Variants in CNTN3 observed in about 807,000 individuals in gnomAD.
The protein encoded by CNTN3 is contactin 3, also known as contactin-3.
Under a neutral mutation model 119.1 loss-of-function variants are expected in CNTN3, and 60 were observed. That is an observed-to-expected ratio of 0.50 (90% CI 0.41 to 0.62). The LOEUF is 0.62. Ranked by LOEUF, CNTN3 falls within the 20% of genes least tolerant of loss-of-function variation. The pLI is 0.00. For synonymous variants in CNTN3, 450 were observed against 438.7 expected (o/e 1.03, Z -0.32); for missense variants, 1,101 against 1,242.4 (o/e 0.89, Z 1.71).
rs114159293 is a variant in CNTN3, at chr3:74,444,714, C to T, written c.359-19774G>A. ...TTAATGAAGGTTTGGTCTACTCCTA[C>T]GAAAATCATTTTAATTGAGGCATTT... On this transcript the variant is annotated intron_variant, in intron 4 of 22. Coordinates refer to ENST00000263665, the MANE Select transcript of CNTN3 (RefSeq NM_020872.3). 8.6e-3 allele frequency among the ~76,000 whole-genome samples: 1,312 copies of T among 152,146 alleles called. 14 individuals are homozygous for T. Among genetic ancestry groups the T allele is most frequent in the African/African-American group, 0.03 (1,241 of 41,512 alleles).
intron 1 of CNTN3, among the ~76,000 whole-genome samples, chr3:74,603,225 G>A (rs1004578050): frequency 6.6e-6 from 1 of 152,180 alleles, no homozygotes. Context: ...ACTACTCAGA[G>A]GAAGCACAAC....
intron 5 of CNTN3, among the ~76,000 whole-genome samples, chr3:74,412,828 A>G (rs984843364): frequency 1.1e-4 from 17 of 152,192 alleles, no homozygotes; most frequent in African/African-American, 3.4e-4. Flanking sequence ...GTTTACCACA[A>G]TCCCTTCTAT....
rs566687895 is a variant in CNTN3 at position 74,331,235 on chromosome 3, G to A, written c.1668+3500C>T. On this transcript the variant is annotated intron_variant, in intron 13 of 22. Coordinates refer to ENST00000263665, the MANE Select transcript of CNTN3 (RefSeq NM_020872.3). ...CACCTTTTTGAAAATCCTTTATGCC[G>A]TATTTTTACTGTACCATTTCAATGT... Among the ~76,000 whole-genome samples, 10 of 152,202 alleles carry A rather than the reference G, an allele frequency of 6.6e-5. No individual in the cohort carries two copies. In the South Asian group the frequency reaches 1.9e-3, roughly 28 times the overall value.
At chr3:74,336,419 G>T in intron 12 of CNTN3, 112 bp downstream of exon 12, 1 of 1,138,118 alleles carries the variant, frequency 8.8e-7, no homozygotes, top group Non-Finnish European at 1.3e-6. Flanking sequence ...TGCAAATACA[G>T]GTTCTACCTT....
chr3:74,581,603 G>C, intron 1 of CNTN3, among the ~76,000 whole-genome samples: 1 of 152,156 alleles, frequency 6.6e-6, no homozygotes, highest in East Asian at 1.9e-4. Context: ...TAGGTCCTTT[G>C]AAGAAAGAGA....
intron 11 of CNTN3, among the ~76,000 whole-genome samples, chr3:74,352,179 C>T (rs1187430873): frequency 6.6e-6 from 1 of 152,146 alleles, no homozygotes; most frequent in African/African-American, 2.4e-5. Flanking sequence ...GAATAAATAC[C>T]CAGTTTTGCT....
At chr3:74,480,133 T>C (rs932360538) in intron 4 of CNTN3, among the ~76,000 whole-genome samples, 1 of 152,102 alleles carries the variant, frequency 6.6e-6, no homozygotes, top group Admixed American at 6.6e-5. Context: ...CCTAAGCTGA[T>C]GCTTATTCAA....
At chr3:74,567,518 C>T (rs549546860) in intron 1 of CNTN3, among the ~76,000 whole-genome samples, 18 of 152,044 alleles carry the variant, frequency 1.2e-4, no homozygotes, top group East Asian at 1.2e-3. Context: ...TATTTCAACA[C>T]GTTTGAGTTC....
intron 8 of CNTN3, among the ~76,000 whole-genome samples, chr3:74,366,138 T>A (rs1704179579): frequency 6.6e-6 from 1 of 152,016 alleles, no homozygotes; most frequent in Non-Finnish European, 1.5e-5. Context: ...AAAATTAACA[T>A]CCATAGGAGA....
intron 8 of CNTN3, among the ~76,000 whole-genome samples, chr3:74,366,780 G>GTATGTATATA (rs1553650592): frequency 1.6e-5 from 1 of 63,714 alleles, no homozygotes; most frequent in Non-Finnish European, 2.7e-5. Context: ...GTGTGTGTGT[G>GTATGTATATA]TATATATATA....
chr3:74,582,678 G>A (rs1226858725), intron 1 of CNTN3, among the ~76,000 whole-genome samples: 1 of 151,988 alleles, frequency 6.6e-6, no homozygotes, highest in African/African-American at 2.4e-5. Flanking sequence ...AAAGAGACTG[G>A]CAAATGTTAG....
At chr3:74,418,599 C>T (rs1411725974) in intron 5 of CNTN3, among the ~76,000 whole-genome samples, 1 of 151,804 alleles carries the variant, frequency 6.6e-6, no homozygotes. Context: ...CCTTGGCTTC[C>T]CAAAATGTTA....
intron 1 of CNTN3, among the ~76,000 whole-genome samples, chr3:74,570,217 G>C (rs1232068974): frequency 2.0e-5 from 3 of 152,074 alleles, no homozygotes; most frequent in African/African-American, 7.2e-5. Flanking sequence ...TGTATATGGA[G>C]GGGGAGGAGG....
At chr3:74,475,301 C>G (rs924625283) in intron 4 of CNTN3, among the ~76,000 whole-genome samples, 1 of 152,138 alleles carries the variant, frequency 6.6e-6, no homozygotes. Flanking sequence ...AAAATTAAAT[C>G]AAATGCATAT....
Position 74,486,397 on chromosome 3 carries a change from C to T in CNTN3, c.358+59G>A, listed in dbSNP as rs931112922. ...ATTTCTGAAATCCAAAACGACTACA[C>T]AAATTAAGTTACATATTTTCTAATG... On this transcript the variant is annotated intron_variant, in intron 4 of 22. Transcript: ENST00000263665. The T allele has an allele frequency of 3.4e-5, 50 of 1,458,340 alleles. 1 individual carries two copies. The highest frequency in any genetic ancestry group is 3.8e-4 in the Middle Eastern group (2 of 5,236). The allele number at this position is 1,458,340 out of a possible 1,614,324, so 90.3% of individuals were successfully genotyped here.
intron 4 of CNTN3, among the ~76,000 whole-genome samples, chr3:74,449,141 A>G (rs1164037683): frequency 1.3e-5 from 2 of 152,020 alleles, no homozygotes; most frequent in African/African-American, 2.4e-5. Context: ...TAAATCATAA[A>G]GAAATATCTA....
intron 13 of CNTN3, among the ~76,000 whole-genome samples, chr3:74,333,217 G>A (rs1184641392): frequency 3.9e-5 from 6 of 152,194 alleles, no homozygotes; most frequent in Admixed American, 6.5e-5. Context: ...GTATCTAAAC[G>A]TCTCAATTTC....
At chr3:74,574,351 C>G (rs1367988872) in intron 1 of CNTN3, among the ~76,000 whole-genome samples, 1 of 152,056 alleles carries the variant, frequency 6.6e-6, no homozygotes, top group Non-Finnish European at 1.5e-5. Context: ...TGAACATGTT[C>G]TAGAATTAGA....
chr3:74,414,347 A>C (rs1353511855), intron 5 of CNTN3, among the ~76,000 whole-genome samples: 1 of 152,234 alleles, frequency 6.6e-6, no homozygotes, highest in Non-Finnish European at 1.5e-5. Context: ...TTTAGAGTTT[A>C]AAATGTCCTA....
Sources: gnomAD v4.1 joint callset for allele counts (sites outside exome capture counted in the v4.1 genomes callset) on GRCh38, gnomAD v4.1.1 for gene constraint, MANE v1.5 for transcripts, NCBI Gene and HGNC (gene_info 2026-07-23, HGNC 2026-07-21) for gene names.